Variants in UBR2 observed in about 807,000 individuals in gnomAD.
The protein encoded by UBR2 is ubiquitin protein ligase E3 component n-recognin 2.
In UBR2, 92 loss-of-function variants were observed where a neutral mutation model predicts 247.9. That is an observed-to-expected ratio of 0.37 (90% CI 0.31 to 0.44). The LOEUF is 0.44. Ranked by LOEUF, UBR2 falls within the 20% of genes least tolerant of loss-of-function variation. The probability of loss-of-function intolerance (pLI) is 1.00; values close to 1 mark genes in which losing one functional copy is unlikely to be tolerated. For synonymous variants in UBR2, 672 were observed against 693.5 expected, an observed-to-expected ratio of 0.97 and a Z score of 0.49; for missense variants, 1,613 against 2,112.6, an observed-to-expected ratio of 0.76 and a Z score of 4.64.
At chr6:42,673,479 AC>A (rs1398506583) in intron 36 of UBR2, among the ~76,000 whole-genome samples, 1 of 151,970 alleles carries the variant, frequency 6.6e-6, no homozygotes, top group Non-Finnish European at 1.5e-5. Flanking sequence ...GAGCCACCAC[AC>A]CCGGCCTGCA....
chr6:42,679,875 T>TGGAA, intron 42 of UBR2, 43 bp downstream of exon 42: 1 of 1,428,382 alleles, frequency 7.0e-7, no homozygotes, highest in Non-Finnish European at 9.6e-7. Context: ...AATAGCTCTA[T>TGGAA]GGAACCAAAC....
Position 42,606,575 on chromosome 6 carries a change from A to G in UBR2, c.802-14A>G. 1.2e-6 allele frequency: 2 copies of G among 1,606,858 alleles called. No homozygotes were observed. Among genetic ancestry groups the G allele is most frequent in the Non-Finnish European group, 1.7e-6 (2 of 1,176,172 alleles). ...TACAATACTTTTACAGCTTAATTTT[A>G]AATATCTTTACAGGGGCGTAGGTCT... On this transcript the variant is annotated splice_polypyrimidine_tract_variant and intron_variant, in intron 6 of 46. Transcript: ENST00000372901.
rs1797641735 is a variant in UBR2, at chr6:42,659,372, A to AT, written c.3243-283dup. Among the ~76,000 whole-genome samples the AT allele has an allele frequency of 6.6e-6, 1 of 151,844 alleles. No homozygotes were observed. On this transcript the variant is annotated intron_variant, in intron 29 of 46. Coordinates refer to ENST00000372901, the MANE Select transcript of UBR2 (RefSeq NM_001363705.2). This position sits in a 1 kb window ranked among gnomAD's most constrained non-coding sequence, Gnocchi z 4.3. Reference sequence around the variant, plus strand: ...AAAAATTAGCCGGGTGTGGTGGTGCATGCCTATAATCCCAGCTACTCAGGA... The same window carrying AT: ...AAAAATTAGCCGGGTGTGGTGGTGCATTGCCTATAATCCCAGCTACTCAGGA...
At chr6:42,609,030 G>T (rs893577295) in intron 7 of UBR2, among the ~76,000 whole-genome samples, 1 of 152,104 alleles carries the variant, frequency 6.6e-6, no homozygotes, top group African/African-American at 2.4e-5. Flanking sequence ...AATAGAAAAT[G>T]GACAAAGGAT....
At chr6:42,648,676 C>T (rs1796926388) in intron 22 of UBR2, among the ~76,000 whole-genome samples, 1 of 152,028 alleles carries the variant, frequency 6.6e-6, no homozygotes, top group South Asian at 2.1e-4. Flanking sequence ...TTTTAACCCA[C>T]TATAAATTTT....
At chr6:42,603,854 C>T (rs1415376836) in intron 5 of UBR2, 136 bp downstream of exon 5, 5 of 930,114 alleles carry the variant, frequency 5.4e-6, no homozygotes, top group African/African-American at 1.8e-5. Flanking sequence ...AGTTTTAAAA[C>T]GTGATCCATT....
At chr6:42,621,478 T>C (rs886485858) in intron 11 of UBR2, among the ~76,000 whole-genome samples, 2 of 152,164 alleles carry the variant, frequency 1.3e-5, no homozygotes, top group Non-Finnish European at 2.9e-5. Flanking sequence ...GTTTGTTTTT[T>C]TGAGATGGAG....
chr6:42,637,629 T>C (rs1208426594), intron 15 of UBR2, among the ~76,000 whole-genome samples: 3 of 152,216 alleles, frequency 2.0e-5, no homozygotes, highest in Non-Finnish European at 4.4e-5. Context: ...TTTTCTATTC[T>C]CCTTTTTTTC....
At position 42,644,393 on chromosome 6, in the gene UBR2, T is replaced by C. The variant is rs1796627678; in HGVS notation, c.2220+57T>C. ...TTGCTAAAGAAGCATCTTTCCTTCT[T>C]TTTGGATATGTTAATCCTCTGAGAT... On this transcript the variant is annotated intron_variant, in intron 19 of 46. Coordinates refer to ENST00000372901, the MANE Select transcript of UBR2 (RefSeq NM_001363705.2). The C allele has an allele frequency of 1.2e-5, 19 of 1,605,738 alleles. 2 individuals carry two copies. The Middle Eastern group carries it at 8.3e-4, about 70-fold the overall frequency.
chr6:42,614,238 A>C (rs10948038), intron 8 of UBR2, among the ~76,000 whole-genome samples: 3,708 of 54,168 alleles, frequency 0.068, 493 homozygotes, highest in Non-Finnish European at 0.091. Flanking sequence ...ACACACACAC[A>C]CACACACGCG....
chr6:42,612,608 T>C (rs1452465065), intron 8 of UBR2, among the ~76,000 whole-genome samples: 1 of 152,160 alleles, frequency 6.6e-6, no homozygotes, highest in African/African-American at 2.4e-5. Flanking sequence ...TTTTTTAAAC[T>C]TTTTTTAGTG....
At chr6:42,640,409 T>TATA in intron 16 of UBR2, 139 bp downstream of exon 16, 1 of 515,618 alleles carries the variant, frequency 1.9e-6, no homozygotes, top group Non-Finnish European at 3.4e-6. Context: ...TGTGTGTGTG[T>TATA]GTGTGTGTGT....
At chr6:42,674,977 A>C (rs1216323775) in intron 38 of UBR2, among the ~76,000 whole-genome samples, 1 of 152,042 alleles carries the variant, frequency 6.6e-6, no homozygotes, top group Non-Finnish European at 1.5e-5. Context: ...CCCTACCTCA[A>C]CTGGGTTCCC....
chr6:42,639,701 A>T (rs1361193999), intron 15 of UBR2, among the ~76,000 whole-genome samples: 1 of 152,224 alleles, frequency 6.6e-6, no homozygotes, highest in African/African-American at 2.4e-5. Context: ...TATACTTTAA[A>T]TGGGAACAAA....
chr6:42,634,952 TA>T (rs1338166032), intron 13 of UBR2, among the ~76,000 whole-genome samples: 1 of 152,236 alleles, frequency 6.6e-6, no homozygotes, highest in African/African-American at 2.4e-5. Flanking sequence ...TAATTTTAAT[TA>T]AAAGCTATTT....
At chr6:42,636,170 G>GTTTTTT (rs987138386) in intron 14 of UBR2, among the ~76,000 whole-genome samples, 1 of 109,524 alleles carries the variant, frequency 9.1e-6, no homozygotes, top group Non-Finnish European at 1.8e-5. Flanking sequence ...GGCCATGGTT[G>GTTTTTT]TTTTTTTTTT....
rs1192857815 is a variant in UBR2, at chr6:42,658,653, G to A, written c.3071G>A (p.Arg1024Lys). 4 of 1,602,348 alleles carry A rather than the reference G, an allele frequency of 2.5e-6. No homozygotes were observed. Among genetic ancestry groups the A allele is most frequent in the Admixed American group, 3.6e-5 (2 of 56,330 alleles). Residue 1024 changes from arginine (R) to lysine (K), a missense_variant, in exon 29 of 47, where the codon AGG becomes AAG. By Grantham distance (26) the Arg-to-Lys change is conservative. Around this residue, in one of 3 missense-constraint regions of UBR2, gnomAD observed 1,524 missense variants for 1,967.3 expected, o/e 0.77. Coordinates refer to ENST00000372901, the MANE Select transcript of UBR2 (RefSeq NM_001363705.2). Reference sequence around the variant, plus strand: ...AATGGAGCATAATTTCAGAGTTCAAGGGACAAAGACAAAGCTGAGAGGAAG... The same window carrying A: ...AATGGAGCATAATTTCAGAGTTCAAAGGACAAAGACAAAGCTGAGAGGAAG... ...TEGTIMEESS[R>K]DKDKAERKRK...
rs35743763 is a variant in UBR2 at position 42,611,914 on chromosome 6, GAAA to G, written c.865-243_865-241del. ...AGAGCGAGACTCCACCTCAAAAAAAGAAAAAAAAAAAAAAAAGATTCAGATTAC... is the reference window on the plus strand; with the variant it reads ...AGAGCGAGACTCCACCTCAAAAAAAGAAAAAAAAAAAAAGATTCAGATTAC... On this transcript the variant is annotated intron_variant, in intron 7 of 46. Transcript: ENST00000372901. 9.3e-4 allele frequency among the ~76,000 whole-genome samples: 111 copies of G among 119,518 alleles called. 3 individuals carry two copies. The East Asian group carries it at 9.3e-3, about 10-fold the overall frequency. 78.4% of individuals were successfully genotyped at this position (119,518 alleles called of 152,430 possible). A position where few individuals can be genotyped will look rare whatever the true frequency, so the allele number is the denominator to read the frequency against.
In UBR2 at chr6:42,689,547, C is replaced by T. The variant is rs972699755; in HGVS notation, c.5025-22C>T. Reference sequence around the variant, plus strand: ...TGGTTACTAATGTGTAAATGTGTAACGTATGACTGATCTCTCTACAGAGTA... The same window carrying T: ...TGGTTACTAATGTGTAAATGTGTAATGTATGACTGATCTCTCTACAGAGTA... On this transcript the variant is annotated intron_variant, in intron 45 of 46. Coordinates refer to ENST00000372901, the MANE Select transcript of UBR2 (RefSeq NM_001363705.2). This position sits in a 1 kb window ranked among gnomAD's most constrained non-coding sequence, Gnocchi z 4.0. 69 of 1,603,088 alleles carry T rather than the reference C, an allele frequency of 4.3e-5. No individual in the cohort carries two copies. In the Middle Eastern group the frequency reaches 6.6e-4, roughly 15 times the overall value.
Sources: gnomAD v4.1 joint callset for allele counts (sites outside exome capture counted in the v4.1 genomes callset) on GRCh38, gnomAD v4.1.1 for gene constraint, gnomAD v4.1.1 regional missense constraint, Gnocchi (gnomAD v3.1) non-coding constraint, MANE v1.5 for transcripts, NCBI Gene and HGNC (gene_info 2026-07-23, HGNC 2026-07-21) for gene names.